Variants in UVRAG observed in about 807,000 individuals in gnomAD.
UVRAG encodes UV radiation resistance associated.
A neutral mutation model predicts 78.0 loss-of-function variants in UVRAG; 19 were observed. The observed-to-expected ratio is 0.24, with a 90% CI of 0.17 to 0.36. The LOEUF (loss-of-function observed/expected upper bound fraction) is 0.36, where lower values mean the gene tolerates loss of function less well. UVRAG is among the 10% of genes least tolerant of loss of function. The pLI, the probability that UVRAG is intolerant of heterozygous loss-of-function variation, is 1.00. For synonymous variants in UVRAG, 323 were observed against 324.6 expected (o/e 1.00, Z 0.05); for missense variants, 740 against 853.8 (o/e 0.87, Z 1.66).
chr11:76,077,552 G>A (rs1048306864), intron 13 of UVRAG, among the ~76,000 whole-genome samples: 1 of 152,054 alleles, frequency 6.6e-6, no homozygotes, highest in Non-Finnish European at 1.5e-5. Context: ...TACATATATA[G>A]CTTATTTTAG....
intron 2 of UVRAG, 118 bp downstream of exon 2, chr11:75,852,118 C>A: frequency 1.5e-6 from 1 of 651,618 alleles, no homozygotes; most frequent in Non-Finnish European, 2.6e-6. Context: ...AATTGTTATG[C>A]TGTCTGAAAA....
chr11:75,870,789 A>G (rs1946630306), intron 3 of UVRAG, among the ~76,000 whole-genome samples: 2 of 152,226 alleles, frequency 1.3e-5, no homozygotes, highest in Non-Finnish European at 2.9e-5. Context: ...CACATCTAGT[A>G]AATGCACAAA....
chr11:75,969,434 C>G (rs1949085036), intron 7 of UVRAG, among the ~76,000 whole-genome samples: 1 of 152,052 alleles, frequency 6.6e-6, no homozygotes, highest in Non-Finnish European at 1.5e-5. Flanking sequence ...ACCTTGTGGA[C>G]TTTTGGTTTC....
chr11:76,092,685 G>T (rs1274195070), intron 13 of UVRAG, among the ~76,000 whole-genome samples: 4 of 151,648 alleles, frequency 2.6e-5, no homozygotes, highest in Admixed American at 6.6e-5. Context: ...TGATGGGGTT[G>T]TTTTTTTTCT....
chr11:76,090,507 A>G (rs1012439099), intron 13 of UVRAG, among the ~76,000 whole-genome samples: 2 of 152,074 alleles, frequency 1.3e-5, no homozygotes, highest in East Asian at 3.9e-4. Flanking sequence ...CAGAATGGCT[A>G]CCTGCAGGCT....
At chr11:75,923,476 A>G (rs1466846209) in intron 6 of UVRAG, among the ~76,000 whole-genome samples, 1 of 152,172 alleles carries the variant, frequency 6.6e-6, no homozygotes, top group East Asian at 1.9e-4. Flanking sequence ...TGATAATAGC[A>G]TTTGTCTCTG....
At chr11:75,949,305 T>C (rs1278946270) in intron 6 of UVRAG, among the ~76,000 whole-genome samples, 2 of 152,082 alleles carry the variant, frequency 1.3e-5, no homozygotes, top group Non-Finnish European at 2.9e-5. Flanking sequence ...TTGCAGGACT[T>C]TTTTCCCCCC....
intron 14 of UVRAG, among the ~76,000 whole-genome samples, chr11:76,133,230 G>GT: frequency 6.6e-6 from 1 of 152,124 alleles, no homozygotes; most frequent in Admixed American, 6.5e-5. Flanking sequence ...CCTTACTGCA[G>GT]TAACTATTGG....
intron 1 of UVRAG, among the ~76,000 whole-genome samples, chr11:75,835,984 C>T (rs1023357410): frequency 6.6e-6 from 1 of 151,940 alleles, no homozygotes; most frequent in Admixed American, 6.6e-5. Context: ...GCCTGTAGTC[C>T]CAGCTACTTG....
chr11:75,974,522 G>A (rs1288132424), intron 7 of UVRAG, among the ~76,000 whole-genome samples: 6 of 151,160 alleles, frequency 4.0e-5, no homozygotes, highest in Non-Finnish European at 5.9e-5. Context: ...ACCCGCCACC[G>A]CGCCCGGCTA....
intron 14 of UVRAG, among the ~76,000 whole-genome samples, chr11:76,133,946 T>C (rs1168630049): frequency 2.0e-5 from 3 of 151,094 alleles, no homozygotes; most frequent in South Asian, 4.1e-4. Flanking sequence ...TTTTTTTTTC[T>C]TTTTTTCTTT....
intron 13 of UVRAG, among the ~76,000 whole-genome samples, chr11:76,069,710 G>T (rs1161147909): frequency 6.6e-6 from 1 of 152,156 alleles, no homozygotes; most frequent in African/African-American, 2.4e-5. Flanking sequence ...AAGGGCAGAT[G>T]CTATTAAATC....
chr11:76,111,216 A>G (rs1325383072), intron 13 of UVRAG, among the ~76,000 whole-genome samples: 1 of 152,240 alleles, frequency 6.6e-6, no homozygotes, highest in Non-Finnish European at 1.5e-5. Context: ...AAGAAAATTT[A>G]GAAAACTTCA....
At chr11:75,900,405 A>G (rs1947465856) in intron 5 of UVRAG, among the ~76,000 whole-genome samples, 3 of 152,108 alleles carry the variant, frequency 2.0e-5, no homozygotes, top group Admixed American at 2.0e-4. Context: ...CACGAATGCT[A>G]GTTAACATGC....
chr11:75,977,561 T>G (rs1949272045), intron 7 of UVRAG, among the ~76,000 whole-genome samples: 1 of 152,230 alleles, frequency 6.6e-6, no homozygotes, highest in Non-Finnish European at 1.5e-5. Context: ...GCTCCTGTAT[T>G]GGGTGCATAT....
intron 8 of UVRAG, among the ~76,000 whole-genome samples, chr11:76,000,219 A>G (rs1010448065): frequency 1.3e-5 from 2 of 152,354 alleles, no homozygotes; most frequent in Admixed American, 6.5e-5. Context: ...TATTCTAGTT[A>G]CAAAAGGGAT....
At chr11:75,849,214 A>T (rs1259137118) in intron 1 of UVRAG, among the ~76,000 whole-genome samples, 1 of 147,954 alleles carries the variant, frequency 6.8e-6, no homozygotes, top group African/African-American at 2.5e-5. Context: ...AAAGAAATGA[A>T]TAATGATGGA....
intron 6 of UVRAG, among the ~76,000 whole-genome samples, chr11:75,938,628 C>T (rs1009872259): frequency 3.9e-5 from 6 of 152,162 alleles, no homozygotes; most frequent in African/African-American, 1.2e-4. Context: ...TTGCGTGGCC[C>T]GTCAGTTATG....
chr11:75,936,580 A>G (rs966017818), intron 6 of UVRAG, among the ~76,000 whole-genome samples: 2 of 152,196 alleles, frequency 1.3e-5, no homozygotes, highest in African/African-American at 4.8e-5. Flanking sequence ...GGCCATGGGA[A>G]TCTCTTCAAT....
Sources: allele counts gnomAD v4.1 joint callset (sites outside exome capture counted in the v4.1 genomes callset), GRCh38; gene constraint gnomAD v4.1.1; transcripts MANE v1.5; gene names NCBI Gene and HGNC (gene_info 2026-07-23, HGNC 2026-07-21).